The following KCNMA1 variants were observed in gnomAD, a reference collection of about 807,000 sequenced individuals.
KCNMA1 encodes Calcium-activated potassium channel subunit alpha-1.
KCNMA1 carries 29 observed loss-of-function variants against 140.0 expected under a neutral mutation model. The ratio of observed to expected loss-of-function variants is 0.21; its 90% CI spans 0.15 to 0.28. The LOEUF is 0.28. Among genes scored for constraint, KCNMA1 ranks in the 10% least tolerant of loss-of-function variants. The probability of loss-of-function intolerance (pLI) is 1.00; values close to 1 mark genes in which losing one functional copy is unlikely to be tolerated. For missense variants in KCNMA1, 880 were observed against 1,602.2 expected (o/e 0.55, Z 7.70); for synonymous variants, 612 against 611.9 (o/e 1.00, Z 0.00).
At chr10:77,026,260 C>T (rs1308212425) in intron 16 of KCNMA1, among the ~76,000 whole-genome samples, 1 of 152,174 alleles carries the variant, frequency 6.6e-6, no homozygotes, top group Non-Finnish European at 1.5e-5. Context: ...CTCCTGCAGT[C>T]AGATTATTCC....
At position 77,582,079 on chromosome 10, in the gene KCNMA1, G is replaced by C. The variant is rs563704410; in HGVS notation, c.378+55186C>G. ...ATATTTTCCCAGGGCTGAGAAGACT[G>C]GAAATTTCTCCAGCAAGATCAAATG... On this transcript the variant is annotated intron_variant, in intron 1 of 27. Coordinates refer to ENST00000286628, the MANE Select transcript of KCNMA1 (RefSeq NM_001161352.2). Among the ~76,000 whole-genome samples, 3 of 152,308 alleles carry C rather than the reference G, an allele frequency of 2.0e-5. No individual in the cohort carries two copies. In the East Asian group the frequency reaches 5.8e-4, roughly 29 times the overall value.
At chr10:77,399,829 T>C (rs954768251) in intron 2 of KCNMA1, among the ~76,000 whole-genome samples, 2 of 152,204 alleles carry the variant, frequency 1.3e-5, no homozygotes, top group African/African-American at 2.4e-5. Context: ...CAGGTACAGA[T>C]GAGCAGTAAA....
At chr10:77,073,004 G>A (rs562702025) in intron 14 of KCNMA1, 93 bp downstream of exon 14, 89 of 1,245,808 alleles carry the variant, frequency 7.1e-5, no homozygotes, top group East Asian at 3.9e-4. Flanking sequence ...GTTAGAGCCC[G>A]TCGATCTGTT....
intron 2 of KCNMA1, among the ~76,000 whole-genome samples, chr10:77,359,653 C>T (rs1046925132): frequency 6.6e-6 from 1 of 152,296 alleles, no homozygotes; most frequent in African/African-American, 2.4e-5. Flanking sequence ...AGATGAACCA[C>T]TCATTCAGGG....
intron 19 of KCNMA1, among the ~76,000 whole-genome samples, chr10:76,981,656 G>A (rs1325480737): frequency 6.6e-6 from 1 of 152,112 alleles, no homozygotes; most frequent in East Asian, 1.9e-4. Context: ...CTGACTACTT[G>A]ACCACCCTTG....
At chr10:77,368,949 T>C (rs931804164) in intron 2 of KCNMA1, among the ~76,000 whole-genome samples, 6 of 152,244 alleles carry the variant, frequency 3.9e-5, no homozygotes, top group African/African-American at 1.4e-4. Flanking sequence ...TTATAGCAAG[T>C]GTTAAAATCA....
chr10:77,454,006 T>C lies in KCNMA1; in HGVS notation c.379-49983A>G, dbSNP rs1363099700. Among the ~76,000 whole-genome samples the C allele has an allele frequency of 2.0e-5, 3 of 152,110 alleles. No individual in the cohort carries two copies. In the East Asian group the frequency reaches 5.8e-4, roughly 29 times the overall value. On this transcript the variant is annotated intron_variant, in intron 1 of 27. Transcript: ENST00000286628. ...TTAAGAGAGCTCTGGTTCCACCTAATAAAGCTCAAAGGCAAGACCCAAAAA... is the reference window on the plus strand; with the variant it reads ...TTAAGAGAGCTCTGGTTCCACCTAACAAAGCTCAAAGGCAAGACCCAAAAA...
intron 1 of KCNMA1, among the ~76,000 whole-genome samples, chr10:77,445,616 A>T (rs1288837021): frequency 2.0e-5 from 3 of 152,082 alleles, no homozygotes; most frequent in Non-Finnish European, 4.4e-5. Context: ...ATTGGGAGAA[A>T]GGGAGGAAGG....
chr10:76,882,523 T>C (rs79900807), downstream of KCNMA1, among the ~76,000 whole-genome samples: 1,787 of 152,320 alleles, frequency 0.012, 28 homozygotes, highest in African/African-American at 0.038. Context: ...CTCTCCTCTC[T>C]GTGAGCAAAG....
chr10:76,928,806 G>A (rs976835456), intron 23 of KCNMA1, among the ~76,000 whole-genome samples: 21 of 152,066 alleles, frequency 1.4e-4, no homozygotes, highest in African/African-American at 4.8e-4. Context: ...AGTTGTTGCC[G>A]ACACAGGCAA....
chr10:77,024,058 T>C (rs1340451730), intron 16 of KCNMA1, among the ~76,000 whole-genome samples: 2 of 152,172 alleles, frequency 1.3e-5, no homozygotes, highest in Non-Finnish European at 2.9e-5. Context: ...ATTAGCCATA[T>C]GGGATGGGGA....
chr10:77,244,399 G>C (rs1374317442), intron 3 of KCNMA1, among the ~76,000 whole-genome samples: 1 of 152,174 alleles, frequency 6.6e-6, no homozygotes, highest in Non-Finnish European at 1.5e-5. Flanking sequence ...CCCAATGAAA[G>C]CCAAAGATAA....
rs2095479652 is a variant in KCNMA1 at position 77,383,022 on chromosome 10, A to T, written c.540+20840T>A. 9.3e-5 allele frequency among the ~76,000 whole-genome samples: 12 copies of T among 128,946 alleles called. No individual in the cohort carries two copies. In the South Asian group the frequency reaches 3.1e-3, roughly 33 times the overall value. 84.6% of individuals were successfully genotyped at this position (128,946 alleles called of 152,430 possible). ...TATATATATATATATATATATATAT[A>T]TATATATTCCAAGTGGAGGAAAGAA... On this transcript the variant is annotated intron_variant, in intron 2 of 27. Transcript: ENST00000286628.
chr10:77,490,030 C>T (rs1351792972), intron 1 of KCNMA1, among the ~76,000 whole-genome samples: 2 of 152,200 alleles, frequency 1.3e-5, no homozygotes, highest in East Asian at 3.9e-4. Context: ...GGAGGGTTAT[C>T]CTGTGTATTA....
intron 5 of KCNMA1, among the ~76,000 whole-genome samples, chr10:77,182,156 G>A (rs772678279): frequency 2.0e-5 from 3 of 152,160 alleles, no homozygotes; most frequent in Non-Finnish European, 4.4e-5. Flanking sequence ...TGAACCAGCA[G>A]TTCCTCTTCC....
intron 1 of KCNMA1, among the ~76,000 whole-genome samples, chr10:77,438,091 C>T (rs768924547): frequency 3.9e-5 from 6 of 151,988 alleles, no homozygotes; most frequent in Non-Finnish European, 7.4e-5. Flanking sequence ...GAGATGGGAT[C>T]CCACTGTGTT....
At chr10:77,629,752 G>A (rs894485965) in intron 1 of KCNMA1, among the ~76,000 whole-genome samples, 1 of 152,176 alleles carries the variant, frequency 6.6e-6, no homozygotes, top group Non-Finnish European at 1.5e-5. Flanking sequence ...CACCTAGCTT[G>A]GTTTCTGGCA....
chr10:77,601,900 T>A (rs2082780896), intron 1 of KCNMA1, among the ~76,000 whole-genome samples: 1 of 152,160 alleles, frequency 6.6e-6, no homozygotes. Context: ...ATCCAGGCAG[T>A]ACAGAGTTCT....
chr10:77,567,808 T>C (rs77134966), intron 1 of KCNMA1, among the ~76,000 whole-genome samples: 106 of 152,254 alleles, frequency 7.0e-4, no homozygotes, highest in East Asian at 5.4e-3. Flanking sequence ...AAAACTGTCT[T>C]GGGCCAGGTG....
Sources: allele counts gnomAD v4.1 joint callset (sites outside exome capture counted in the v4.1 genomes callset), GRCh38; gene constraint gnomAD v4.1.1; transcripts MANE v1.5; gene names NCBI Gene and HGNC (gene_info 2026-07-23, HGNC 2026-07-21).